The following IQCB1 variants were observed in gnomAD, a reference collection of about 807,000 sequenced individuals.
IQCB1 encodes the protein IQ motif containing B1.
Under a neutral mutation model 84.4 loss-of-function variants are expected in IQCB1, and 56 were observed. That is an observed-to-expected ratio of 0.66 (90% CI 0.54 to 0.83). IQCB1 has a LOEUF of 0.83. Among genes scored for constraint, IQCB1 ranks in the 40% least tolerant of loss-of-function variants. IQCB1 has a pLI of 0.00. For missense variants in IQCB1, 629 were observed against 682.1 expected, an observed-to-expected ratio of 0.92 and a Z score of 0.87; for synonymous variants, 210 against 234.8, an observed-to-expected ratio of 0.89 and a Z score of 0.96.
rs1286494674 is a variant in IQCB1 at position 121,781,828 on chromosome 3, G to A, written c.1325C>T (p.Ala442Val). Residue 442 changes from alanine to valine, a missense_variant, in exon 13 of 15, where the codon GCT (alanine) becomes GTT (valine). By Grantham distance (64) the Ala-to-Val change is moderately conservative. Coordinates refer to ENST00000310864, the MANE Select transcript of IQCB1 (RefSeq NM_001023570.4). Reference sequence around the variant, plus strand: ...GAGTTCTTGGAGTCCTCGCCAAGGAGCAAATAGTTTCTTTTTCTTACGGCA... The same window carrying A: ...GAGTTCTTGGAGTCCTCGCCAAGGAACAAATAGTTTCTTTTTCTTACGGCA... ...AKCRKKKKLF[A>V]PWRGLQELTD... is the part of the protein sequence containing the mutation. The A allele has an allele frequency of 1.2e-6, 2 of 1,613,844 alleles. No homozygotes were observed. Among genetic ancestry groups the A allele is most frequent in the Admixed American group, 3.3e-5 (2 of 60,026 alleles).
chr3:121,815,350 CA>C (rs1409467874), intron 5 of IQCB1, among the ~76,000 whole-genome samples: 1 of 152,142 alleles, frequency 6.6e-6, no homozygotes, highest in Non-Finnish European at 1.5e-5. Flanking sequence ...AAAACCAGCA[CA>C]AGACAAAGAT....
intron 4 of IQCB1, 62 bp downstream of exon 4, chr3:121,828,408 G>T: frequency 1.4e-6 from 2 of 1,436,038 alleles, no homozygotes; most frequent in Non-Finnish European, 2.0e-6. Flanking sequence ...AAAAGCAAAT[G>T]TTGAAAATCA....
intron 13 of IQCB1, among the ~76,000 whole-genome samples, chr3:121,779,956 T>G (rs1210927432): frequency 3.3e-5 from 5 of 152,214 alleles, no homozygotes; most frequent in African/African-American, 1.2e-4. Flanking sequence ...TGGACCTATG[T>G]GAGTTCCAGA....
chr3:121,830,620 T>C (rs1041775571), intron 2 of IQCB1, among the ~76,000 whole-genome samples: 1 of 152,146 alleles, frequency 6.6e-6, no homozygotes, highest in Non-Finnish European at 1.5e-5. Context: ...CATATACATA[T>C]ATATGTTTTT....
intron 5 of IQCB1, among the ~76,000 whole-genome samples, chr3:121,816,989 G>A (rs1283697610): frequency 2.0e-5 from 3 of 152,152 alleles, no homozygotes; most frequent in African/African-American, 7.2e-5. Context: ...ATTTACAACA[G>A]CAAAGTCTTG....
intron 5 of IQCB1, 85 bp from the exon 6 acceptor site, chr3:121,809,094 T>TA: frequency 1.3e-6 from 1 of 752,722 alleles, no homozygotes; most frequent in South Asian, 1.7e-5. Context: ...TCTGGGGAGT[T>TA]AGAGGATACA....
At chr3:121,816,281 A>G (rs1014834933) in intron 5 of IQCB1, among the ~76,000 whole-genome samples, 8 of 152,224 alleles carry the variant, frequency 5.3e-5, no homozygotes, top group African/African-American at 1.9e-4. Flanking sequence ...AAGATGGATT[A>G]AAGACTTACA....
At chr3:121,808,011 T>A (rs904658601) in intron 6 of IQCB1, among the ~76,000 whole-genome samples, 1 of 152,036 alleles carries the variant, frequency 6.6e-6, no homozygotes, top group Non-Finnish European at 1.5e-5. Flanking sequence ...TTTCTTCATC[T>A]GTAAAACTAG....
rs549493312 is a variant in IQCB1 at position 121,788,781 on chromosome 3, T to C, written c.1130-349A>G. Among the ~76,000 whole-genome samples the C allele has an allele frequency of 6.7e-4, 102 of 152,162 alleles. No individual in the cohort carries two copies. The Middle Eastern group carries it at 0.017, about 26-fold the overall frequency. ...CCAGAGGGAAAGGGCAAAATGTGTG[T>C]ATGTGTTCTCTACTCTACATGCTTC... On this transcript the variant is annotated intron_variant, in intron 11 of 14. Coordinates refer to ENST00000310864, the MANE Select transcript of IQCB1 (RefSeq NM_001023570.4).
intron 12 of IQCB1, among the ~76,000 whole-genome samples, chr3:121,784,757 C>A (rs1361768560): frequency 6.6e-6 from 1 of 152,108 alleles, no homozygotes; most frequent in Non-Finnish European, 1.5e-5. Flanking sequence ...TTATGGCTCA[C>A]TGCAGCCTCA....
chr3:121,775,760 G>A (rs1386899094), intron 13 of IQCB1, among the ~76,000 whole-genome samples: 1 of 151,830 alleles, frequency 6.6e-6, no homozygotes, highest in Non-Finnish European at 1.5e-5. Context: ...CTTTATTGAC[G>A]TAAAAATAAC....
Position 121,835,011 on chromosome 3 carries a change from ACG to A in IQCB1, c.-149_-148del. On this transcript the variant is annotated 5_prime_UTR_variant, in exon 1 of 15. Coordinates refer to ENST00000310864, the MANE Select transcript of IQCB1 (RefSeq NM_001023570.4). ...TTCCACTAAAGAACCTGGGGCTCCC[ACG>A]CCGCACTACAGCGCCGCGGCCTTCC... The A allele has an allele frequency of 3.8e-5, 3 of 79,938 alleles. No individual in the cohort carries two copies. Among genetic ancestry groups the A allele is most frequent in the Admixed American group, 3.2e-4 (1 of 3,088 alleles). The allele number at this position is 79,938 out of a possible 1,614,324, so 5.0% of individuals were successfully genotyped here. A position where few individuals can be genotyped will look rare whatever the true frequency, so the allele number is the denominator to read the frequency against.
At position 121,799,233 on chromosome 3, in the gene IQCB1, T is replaced by G; in HGVS notation, c.729A>C (p.Glu243Asp). 6.2e-7 allele frequency: 1 copy of G among 1,610,696 alleles called. No homozygotes were observed. Among genetic ancestry groups the G allele is most frequent in the African/African-American group, 1.3e-5 (1 of 74,886 alleles). ...LLLLMAESHQ[E>D]ILILLRQSTC... ...TACTTTGTCTCAGTAAAATCAAAATTTCCTGATGGGATTCAGCCATCAACA... is the reference window on the plus strand; with the variant it reads ...TACTTTGTCTCAGTAAAATCAAAATGTCCTGATGGGATTCAGCCATCAACA... The change falls in exon 8 of 15, where the codon GAA (glutamate) becomes GAC (aspartate). Residue 243 changes from glutamate to aspartate, a missense_variant. By Grantham distance (45) the Glu-to-Asp change is conservative. Transcript: ENST00000310864.
At position 121,772,615 on chromosome 3, in the gene IQCB1, G is replaced by C. The variant is rs149259534; in HGVS notation, c.1509C>G (p.Ala503=). ...CTATCAGAGCTTCTCTGTGCTGCTG[G>C]GCTCGCTCTTCTAGGGCCCTGCCCA... ...YFMGRALEER[A]QQHREALIAQ... Residue 503 remains alanine (A), a synonymous_variant, in exon 14 of 15, where the codon GCC becomes GCG. Coordinates refer to ENST00000310864, the MANE Select transcript of IQCB1 (RefSeq NM_001023570.4). 175 of 1,614,192 alleles carry C rather than the reference G, an allele frequency of 1.1e-4. 2 individuals carry two copies. In the East Asian group the frequency reaches 3.1e-3, roughly 29 times the overall value.
In IQCB1 at chr3:121,770,018, A is replaced by G. The variant is rs777172993; in HGVS notation, c.*327T>C. The G allele has an allele frequency of 1.5e-5, 3 of 199,154 alleles. No individual in the cohort carries two copies. The highest frequency in any genetic ancestry group is 2.1e-5 in the Non-Finnish European group (2 of 96,002). 12.3% of individuals were successfully genotyped at this position (199,154 alleles called of 1,614,324 possible). A position where few individuals can be genotyped will look rare whatever the true frequency, so the allele number is the denominator to read the frequency against. Reference sequence around the variant, plus strand: ...ATTTTTCAAATCAATTGTTGAAAATATTTATTTAGAAAAAAATATTTAGTT... The same window carrying G: ...ATTTTTCAAATCAATTGTTGAAAATGTTTATTTAGAAAAAAATATTTAGTT... On this transcript the variant is annotated 3_prime_UTR_variant, in exon 15 of 15. Transcript: ENST00000310864.
At position 121,781,881 on chromosome 3, in the gene IQCB1, GA is replaced by G. The variant is rs758519096; in HGVS notation, c.1279-8del. 29 of 1,609,414 alleles carry G rather than the reference GA, an allele frequency of 1.8e-5. No individual in the cohort carries two copies. Among genetic ancestry groups the G allele is most frequent in the African/African-American group, 1.6e-4 (12 of 74,666 alleles). On this transcript the variant is annotated splice_polypyrimidine_tract_variant and splice_region_variant and intron_variant, in intron 12 of 14. Transcript: ENST00000310864. ...TCGCTAGGAATTTAAGCGCCTGGAA[GA>G]AAAAAAATTGAAGGTTTGTGATTTT...
chr3:121,774,063 AAAC>A (rs772178147), intron 13 of IQCB1, among the ~76,000 whole-genome samples: 19 of 141,582 alleles, frequency 1.3e-4, no homozygotes, highest in Non-Finnish European at 2.1e-4. Context: ...ACTCTACAAA[AAAC>A]AACCTGATTA....
chr3:121,805,047 T>A (rs1949554425), intron 7 of IQCB1, among the ~76,000 whole-genome samples: 1 of 152,196 alleles, frequency 6.6e-6, no homozygotes, highest in South Asian at 2.1e-4. Context: ...ACTTTGAGTC[T>A]TATATGTCTG....
chr3:121,782,929 C>T (rs555066099), intron 12 of IQCB1, among the ~76,000 whole-genome samples: 9 of 152,284 alleles, frequency 5.9e-5, no homozygotes, highest in Non-Finnish European at 1.0e-4. Flanking sequence ...CCCGCCTCGG[C>T]CTCCCAAAGA....
Sources: allele counts gnomAD v4.1 joint callset (sites outside exome capture counted in the v4.1 genomes callset), GRCh38; gene constraint gnomAD v4.1.1; transcripts MANE v1.5; gene names NCBI Gene and HGNC (gene_info 2026-07-23, HGNC 2026-07-21).